TCERG1L: variants seen among roughly 807,000 people sequenced by gnomAD.
TCERG1L encodes the protein transcription elongation regulator 1 like.
TCERG1L carries 37 observed loss-of-function variants against 56.3 expected under a neutral mutation model. That is an observed-to-expected ratio of 0.66 (90% CI 0.51 to 0.87). The LOEUF is 0.87. Among genes scored for constraint, TCERG1L ranks in the 40% least tolerant of loss-of-function variants. The pLI is 0.00. For synonymous variants in TCERG1L, 324 were observed against 326.3 expected (o/e 0.99, Z 0.08); for missense variants, 799 against 774.2 (o/e 1.03, Z -0.38).
chr10:131,264,961 C>T (rs1846271015), intron 3 of TCERG1L, among the ~76,000 whole-genome samples: 1 of 152,156 alleles, frequency 6.6e-6, no homozygotes, highest in African/African-American at 2.4e-5. Flanking sequence ...GGAAAGAGAA[C>T]GGGGAGTCGA....
chr10:131,169,240 T>C (rs1210501705), intron 4 of TCERG1L, among the ~76,000 whole-genome samples: 1 of 152,006 alleles, frequency 6.6e-6, no homozygotes, highest in African/African-American at 2.4e-5. Flanking sequence ...AGCTGGTCAC[T>C]ACCTCTATGC....
At chr10:131,122,471 A>T (rs554149467) in intron 8 of TCERG1L, among the ~76,000 whole-genome samples, 1 of 152,336 alleles carries the variant, frequency 6.6e-6, no homozygotes, top group Admixed American at 6.5e-5. Context: ...CTCTGTAATA[A>T]AACCCCAATA....
At chr10:131,201,924 A>G (rs1845441315) in intron 4 of TCERG1L, among the ~76,000 whole-genome samples, 1 of 152,146 alleles carries the variant, frequency 6.6e-6, no homozygotes, top group Non-Finnish European at 1.5e-5. Context: ...GAGCCAATGA[A>G]AGATGCTAGA....
intron 3 of TCERG1L, among the ~76,000 whole-genome samples, chr10:131,262,368 A>G (rs964130225): frequency 1.3e-5 from 2 of 152,332 alleles, no homozygotes; most frequent in African/African-American, 2.4e-5. Context: ...TAACACTATG[A>G]TGTCAGATGT....
intron 8 of TCERG1L, among the ~76,000 whole-genome samples, 170 bp from the exon 9 acceptor site, chr10:131,117,104 T>A (rs1402229772): frequency 6.6e-6 from 1 of 152,182 alleles, no homozygotes; most frequent in Admixed American, 6.5e-5. Flanking sequence ...CATTTGCTCT[T>A]GGCAGGCACG....
chr10:131,116,015 C>A (rs1034223217), intron 9 of TCERG1L, among the ~76,000 whole-genome samples: 1 of 152,154 alleles, frequency 6.6e-6, no homozygotes, highest in Non-Finnish European at 1.5e-5. Flanking sequence ...TCTGAAAGGC[C>A]ATTTGCGTGT....
intron 8 of TCERG1L, among the ~76,000 whole-genome samples, chr10:131,126,556 G>A (rs552957005): frequency 5.9e-5 from 9 of 151,712 alleles, no homozygotes; most frequent in African/African-American, 2.2e-4. Context: ...GCTGCTAGGC[G>A]GCAGCTCTGG....
chr10:131,251,377 T>G (rs1468986373), intron 4 of TCERG1L, among the ~76,000 whole-genome samples: 1 of 148,496 alleles, frequency 6.7e-6, no homozygotes, highest in African/African-American at 2.5e-5. Flanking sequence ...TTGCGAATCC[T>G]TGCAGTCACA....
intron 4 of TCERG1L, among the ~76,000 whole-genome samples, chr10:131,172,598 C>T (rs1175639264): frequency 1.3e-5 from 2 of 152,314 alleles, no homozygotes; most frequent in East Asian, 1.9e-4. Flanking sequence ...GTGCTCCACG[C>T]GCGCTGGCTC....
intron 8 of TCERG1L, 52 bp from the exon 9 acceptor site, chr10:131,116,986 T>C (rs1022479095): frequency 2.6e-6 from 4 of 1,561,896 alleles, no homozygotes; most frequent in Non-Finnish European, 1.7e-6. Flanking sequence ...ACCCAGCTGG[T>C]TTTTATTGCA....
intron 4 of TCERG1L, among the ~76,000 whole-genome samples, chr10:131,252,245 C>T (rs1202793196): frequency 3.3e-5 from 5 of 152,148 alleles, no homozygotes; most frequent in African/African-American, 1.2e-4. Context: ...CTGTTTGAGA[C>T]CCTGATTTCA....
rs567687714 is a variant in TCERG1L at position 131,237,641 on chromosome 10, A to G, written c.856+22618T>C. Reference sequence around the variant, plus strand: ...TTAAAAGAGTGCTAATGATTTCCAAAAGGAAGACGTTCCTAGGAGGCAAAA... The same window carrying G: ...TTAAAAGAGTGCTAATGATTTCCAAGAGGAAGACGTTCCTAGGAGGCAAAA... On this transcript the variant is annotated intron_variant, in intron 4 of 11. Transcript: ENST00000368642. Among the ~76,000 whole-genome samples the G allele has an allele frequency of 5.3e-5, 8 of 152,334 alleles. No individual in the cohort carries two copies. The South Asian group carries it at 1.5e-3, about 28-fold the overall frequency.
At chr10:131,204,828 C>T (rs1259838229) in intron 4 of TCERG1L, among the ~76,000 whole-genome samples, 1 of 152,198 alleles carries the variant, frequency 6.6e-6, no homozygotes, top group Non-Finnish European at 1.5e-5. Flanking sequence ...AAGAGCCCAC[C>T]TCTCGGTTTT....
chr10:131,203,720 T>C (rs1845481316), intron 4 of TCERG1L, among the ~76,000 whole-genome samples: 1 of 152,142 alleles, frequency 6.6e-6, no homozygotes, highest in South Asian at 2.1e-4. Context: ...GGGAAGGCAC[T>C]CTCCTAACTG....
chr10:131,197,726 C>G (rs1385324055), intron 4 of TCERG1L, among the ~76,000 whole-genome samples: 1 of 152,014 alleles, frequency 6.6e-6, no homozygotes, highest in Non-Finnish European at 1.5e-5. Flanking sequence ...GGTGAGGAGC[C>G]CTCTTTTAGA....
At chr10:131,274,547 C>G (rs1286798142) in intron 3 of TCERG1L, among the ~76,000 whole-genome samples, 1 of 152,190 alleles carries the variant, frequency 6.6e-6, no homozygotes, top group Non-Finnish European at 1.5e-5. Flanking sequence ...GTCTGTGCAC[C>G]AAGACTGCTT....
chr10:131,263,271 A>T (rs1846250688), intron 3 of TCERG1L, among the ~76,000 whole-genome samples: 1 of 152,142 alleles, frequency 6.6e-6, no homozygotes, highest in Admixed American at 6.5e-5. Flanking sequence ...GTTGCCATAG[A>T]CAGATTTGAA....
In TCERG1L at chr10:131,269,742, G is replaced by C. The variant is rs1450190040; in HGVS notation, c.671-9298C>G. Among the ~76,000 whole-genome samples, 10 of 152,212 alleles carry C rather than the reference G, an allele frequency of 6.6e-5. No individual in the cohort carries two copies. In the South Asian group the frequency reaches 8.3e-4, roughly 13 times the overall value. Reference sequence around the variant, plus strand: ...AACTTTGAAACACTGAGAGTTCCCAGAATGTAACAGAGACATGAAGTGAGC... The same window carrying C: ...AACTTTGAAACACTGAGAGTTCCCACAATGTAACAGAGACATGAAGTGAGC... On this transcript the variant is annotated intron_variant, in intron 3 of 11. Transcript: ENST00000368642.
At chr10:131,295,079 T>G (rs931310820) in intron 3 of TCERG1L, among the ~76,000 whole-genome samples, 18 of 152,046 alleles carry the variant, frequency 1.2e-4, no homozygotes, top group African/African-American at 4.1e-4. Flanking sequence ...TGGAATAATA[T>G]ATGACATAAA....
Sources: gnomAD v4.1 joint callset for allele counts (sites outside exome capture counted in the v4.1 genomes callset) on GRCh38, gnomAD v4.1.1 for gene constraint, MANE v1.5 for transcripts, NCBI Gene and HGNC (gene_info 2026-07-23, HGNC 2026-07-21) for gene names.